The following KHDRBS2 variants were observed in gnomAD, a reference collection of about 807,000 sequenced individuals.
KHDRBS2 encodes KH RNA binding domain containing, signal transduction associated 2.
KHDRBS2 carries 26 observed loss-of-function variants against 44.3 expected under a neutral mutation model. That is an observed-to-expected ratio of 0.59 (90% confidence interval 0.43 to 0.81). The LOEUF is 0.81. KHDRBS2 is among the 40% of genes least tolerant of loss of function. The pLI, the probability that KHDRBS2 is intolerant of heterozygous loss-of-function variation, is 0.00. For missense variants in KHDRBS2, 476 were observed against 433.1 expected (o/e 1.10, Z -0.88); for synonymous variants, 194 against 151.1 (o/e 1.28, Z -2.08).
intron 6 of KHDRBS2, among the ~76,000 whole-genome samples, chr6:61,828,600 C>A (rs1453459848): frequency 1.3e-5 from 2 of 152,130 alleles, no homozygotes; most frequent in Non-Finnish European, 1.5e-5. Context: ...CTCAAAAGTT[C>A]TTTCCTCTGT....
At chr6:61,624,828 T>A in the KHDRBS2 span, among the ~76,000 whole-genome samples, 1 of 151,978 alleles carries the variant, frequency 6.6e-6, no homozygotes, top group African/African-American at 2.4e-5. Flanking sequence ...GGAGAAAAAA[T>A]GGCACCCTAA....
At chr6:61,672,206 T>G in the KHDRBS2 span, among the ~76,000 whole-genome samples, 257 of 150,754 alleles carry the variant, frequency 1.7e-3, 2 homozygotes, top group African/African-American at 6.1e-3. Context: ...TAGTATTCCA[T>G]GGTGTATATG....
intron 4 of KHDRBS2, among the ~76,000 whole-genome samples, chr6:61,909,906 G>C (rs1805734010): frequency 6.6e-6 from 1 of 152,180 alleles, no homozygotes; most frequent in African/African-American, 2.4e-5. Flanking sequence ...CGCTGGTGCT[G>C]CACATTTAAA....
intron 1 of KHDRBS2, among the ~76,000 whole-genome samples, chr6:62,283,822 G>A (rs1348514315): frequency 1.3e-5 from 2 of 152,028 alleles, no homozygotes; most frequent in Non-Finnish European, 2.9e-5. Flanking sequence ...CAGGTACAGA[G>A]AGCTAATATA....
At chr6:61,804,321 T>C (rs1313925962) in intron 6 of KHDRBS2, among the ~76,000 whole-genome samples, 1 of 152,166 alleles carries the variant, frequency 6.6e-6, no homozygotes, top group Non-Finnish European at 1.5e-5. Context: ...TAGGTTCCCA[T>C]GGCCTTGGAC....
At chr6:61,559,652 A>G in the KHDRBS2 span, among the ~76,000 whole-genome samples, 1 of 152,212 alleles carries the variant, frequency 6.6e-6, no homozygotes, top group Non-Finnish European at 1.5e-5. Flanking sequence ...ACTCATGACA[A>G]CATAACACTG....
At chr6:62,260,134 G>T (rs1443211475) in intron 1 of KHDRBS2, among the ~76,000 whole-genome samples, 3 of 151,980 alleles carry the variant, frequency 2.0e-5, no homozygotes, top group Non-Finnish European at 4.4e-5. Context: ...TCATCAATGA[G>T]AAGGTAATAC....
intron 3 of KHDRBS2, among the ~76,000 whole-genome samples, chr6:62,015,883 G>A (rs1395595344): frequency 6.6e-6 from 1 of 152,148 alleles, no homozygotes; most frequent in African/African-American, 2.4e-5. Context: ...TAAATTGTTT[G>A]AAGATTTTCC....
chr6:61,921,662 C>G (rs1931806), intron 4 of KHDRBS2, among the ~76,000 whole-genome samples: 57,504 of 151,706 alleles, frequency 0.38, 11,325 homozygotes, highest in East Asian at 0.48. Context: ...TGAGACAGAA[C>G]TCATTCTTTT....
chr6:62,191,329 A>G (rs1037365373), intron 1 of KHDRBS2, among the ~76,000 whole-genome samples: 1 of 152,096 alleles, frequency 6.6e-6, no homozygotes, highest in African/African-American at 2.4e-5. Context: ...CGATACTCTC[A>G]AAGTCCTTAG....
intron 2 of KHDRBS2, among the ~76,000 whole-genome samples, chr6:62,107,457 C>T (rs939097965): frequency 2.6e-4 from 39 of 152,056 alleles, no homozygotes; most frequent in South Asian, 1.2e-3. Flanking sequence ...TACAAACAAA[C>T]GAAAGAACAT....
chr6:62,075,496 C>T (rs929834575), intron 2 of KHDRBS2, among the ~76,000 whole-genome samples: 35 of 152,038 alleles, frequency 2.3e-4, no homozygotes, highest in East Asian at 9.8e-4. Flanking sequence ...CAATTTTATA[C>T]GCACTTTAAT....
rs1189233234 is a variant in KHDRBS2 at position 61,941,952 on chromosome 6, AATTATTATTATTATTGT to A, written c.483+36097_483+36113del. Among the ~76,000 whole-genome samples the A allele has an allele frequency of 7.9e-5, 12 of 151,982 alleles. No homozygotes were observed. In the South Asian group the frequency reaches 2.5e-3, roughly 32 times the overall value. On this transcript the variant is annotated intron_variant, in intron 4 of 8. Transcript: ENST00000281156. ...CAAAACATTCCAGAAAAAGAATCCAAATTATTATTATTATTGTATTATTATTATTATTGGGACTTGTT... is the reference window on the plus strand; with the variant it reads ...CAAAACATTCCAGAAAAAGAATCCAAATTATTATTATTATTGGGACTTGTT...
intron 6 of KHDRBS2, among the ~76,000 whole-genome samples, chr6:61,808,406 T>C (rs1787526006): frequency 6.6e-6 from 1 of 152,144 alleles, no homozygotes; most frequent in East Asian, 1.9e-4. Context: ...CATGAAACTA[T>C]ATCCAGAATT....
chr6:61,602,327 C>T, the KHDRBS2 span, among the ~76,000 whole-genome samples: 179 of 152,288 alleles, frequency 1.2e-3, 1 homozygote, highest in African/African-American at 4.2e-3. Flanking sequence ...GCTTGAACCG[C>T]AGTGGCCAGG....
the KHDRBS2 span, among the ~76,000 whole-genome samples, chr6:61,578,910 T>C: frequency 5.3e-5 from 8 of 152,132 alleles, no homozygotes; most frequent in South Asian, 2.1e-4. Flanking sequence ...TTCCATGGGA[T>C]TTACATGTTA....
In KHDRBS2 at chr6:61,855,624, C is replaced by CTTTGTTTTGTTTTGTTTTGT. The variant is rs3076295; in HGVS notation, c.810+38991_810+39010dup. ...TTCAACATCAAGTATATGCCTGGTG[C>CTTTGTTTTGTTTTGTTTTGT]TTTGTTTTGTTTTGTTTTGTTTTGT... is the stretch of plus-strand genomic sequence containing the variant. On this transcript the variant is annotated intron_variant, in intron 6 of 8. Coordinates refer to ENST00000281156, the MANE Select transcript of KHDRBS2 (RefSeq NM_152688.4). Among the ~76,000 whole-genome samples, 419 of 149,770 alleles carry CTTTGTTTTGTTTTGTTTTGT rather than the reference C, an allele frequency of 2.8e-3. 1 individual carries two copies. Among genetic ancestry groups the CTTTGTTTTGTTTTGTTTTGT allele is most frequent in the Non-Finnish European group, 4.6e-3 (314 of 67,536 alleles).
intron 1 of KHDRBS2, among the ~76,000 whole-genome samples, chr6:62,270,478 A>T (rs1381012329): frequency 2.6e-5 from 4 of 151,834 alleles, no homozygotes; most frequent in African/African-American, 9.7e-5. Flanking sequence ...AGCCAAATAA[A>T]CCTATTTTCT....
chr6:61,895,928 G>T (rs1201263222), intron 5 of KHDRBS2, among the ~76,000 whole-genome samples: 2 of 152,156 alleles, frequency 1.3e-5, no homozygotes, highest in East Asian at 3.9e-4. Context: ...GGGTACGAAT[G>T]CTGGCAAAAC....
Sources: allele counts gnomAD v4.1 joint callset (sites outside exome capture counted in the v4.1 genomes callset), GRCh38; gene constraint gnomAD v4.1.1; transcripts MANE v1.5; gene names NCBI Gene and HGNC (gene_info 2026-07-23, HGNC 2026-07-21).